PHF14: variants seen among roughly 807,000 people sequenced by gnomAD.
PHF14 encodes the protein PHD finger protein 14.
Under a neutral mutation model 117.9 loss-of-function variants are expected in PHF14, and 55 were observed. The ratio of observed to expected loss-of-function variants is 0.47; its 90% CI spans 0.38 to 0.58. The LOEUF is 0.58. Ranked by LOEUF, PHF14 falls within the 20% of genes least tolerant of loss-of-function variation. PHF14 has a pLI of 0.00. For synonymous variants in PHF14, 409 were observed against 368.6 expected, an observed-to-expected ratio of 1.11 and a Z score of -1.26; for missense variants, 978 against 1,122.2, an observed-to-expected ratio of 0.87 and a Z score of 1.84.
intron 17 of PHF14, among the ~76,000 whole-genome samples, chr7:11,140,498 A>C (rs2128350840): frequency 6.6e-6 from 1 of 152,246 alleles, no homozygotes; most frequent in Middle Eastern, 3.4e-3. Flanking sequence ...AGGAGAAAGT[A>C]ATATTTTGCC....
At chr7:11,113,058 T>C (rs974405212) in intron 17 of PHF14, among the ~76,000 whole-genome samples, 3 of 152,060 alleles carry the variant, frequency 2.0e-5, no homozygotes, top group African/African-American at 7.2e-5. Flanking sequence ...AATAAGTTTT[T>C]TTAAGTGCAT....
chr7:10,992,813 C>G (rs905322478), intron 4 of PHF14, among the ~76,000 whole-genome samples: 6 of 152,164 alleles, frequency 3.9e-5, no homozygotes, highest in African/African-American at 1.2e-4. Context: ...TCATTTCTAA[C>G]AAAATCAAAG....
chr7:10,980,650 T>C (rs548766793), intron 2 of PHF14, among the ~76,000 whole-genome samples: 4 of 152,316 alleles, frequency 2.6e-5, no homozygotes, highest in Admixed American at 6.5e-5. Context: ...ACAAACTTAC[T>C]TGATGGCAAA....
At chr7:11,064,895 T>G (rs914533109) in intron 16 of PHF14, among the ~76,000 whole-genome samples, 5 of 151,974 alleles carry the variant, frequency 3.3e-5, no homozygotes, top group African/African-American at 9.7e-5. Context: ...AATTGCTGAG[T>G]GATAGTAAGG....
At chr7:11,075,564 G>GTTTTTTTTT in intron 16 of PHF14, among the ~76,000 whole-genome samples, 1 of 110,012 alleles carries the variant, frequency 9.1e-6, no homozygotes, top group Non-Finnish European at 1.8e-5. Context: ...AAGGAAAGAG[G>GTTTTTTTTT]TTTTTTTTTT....
At chr7:11,141,721 A>T (rs916016845) in intron 17 of PHF14, among the ~76,000 whole-genome samples, 1 of 152,032 alleles carries the variant, frequency 6.6e-6, no homozygotes, top group Non-Finnish European at 1.5e-5. Context: ...ACAGTATGTA[A>T]ATCTCTACGT....
At chr7:11,017,560 G>A (rs1257416084) in intron 5 of PHF14, among the ~76,000 whole-genome samples, 1 of 151,858 alleles carries the variant, frequency 6.6e-6, no homozygotes, top group Non-Finnish European at 1.5e-5. Flanking sequence ...CTTTTTTTGA[G>A]AAATGTCTAT....
intron 17 of PHF14, among the ~76,000 whole-genome samples, chr7:11,166,706 T>C (rs528174374): frequency 1.1e-4 from 17 of 152,286 alleles, no homozygotes; most frequent in Admixed American, 9.2e-4. Context: ...CACCCCTTCA[T>C]AATGCTTTTC....
intron 16 of PHF14, among the ~76,000 whole-genome samples, chr7:11,098,597 C>T (rs879861997): frequency 6.6e-6 from 1 of 152,174 alleles, no homozygotes; most frequent in African/African-American, 2.4e-5. Flanking sequence ...GTGGAAAGTG[C>T]ACCATTGTCC....
intron 7 of PHF14, among the ~76,000 whole-genome samples, chr7:11,035,241 G>A (rs1386687847): frequency 6.6e-6 from 1 of 152,066 alleles, no homozygotes; most frequent in African/African-American, 2.4e-5. Flanking sequence ...GTGGGAGAAT[G>A]CATGTAAACT....
intron 17 of PHF14, among the ~76,000 whole-genome samples, chr7:11,156,558 G>C (rs1583509594): frequency 6.6e-6 from 1 of 152,276 alleles, no homozygotes; most frequent in East Asian, 1.9e-4. Flanking sequence ...ACTGTGGGAG[G>C]CCGAGGCGGC....
chr7:11,070,267 G>C (rs1407811966), intron 16 of PHF14, among the ~76,000 whole-genome samples: 1 of 152,086 alleles, frequency 6.6e-6, no homozygotes, highest in Non-Finnish European at 1.5e-5. Context: ...TTGTAGAAAT[G>C]GGGTCTGACT....
At chr7:11,019,586 G>T (rs1251458826) in intron 5 of PHF14, among the ~76,000 whole-genome samples, 1 of 152,010 alleles carries the variant, frequency 6.6e-6, no homozygotes, top group Non-Finnish European at 1.5e-5. Context: ...CAGTTATAAT[G>T]TCTCCTTTTT....
At chr7:11,121,780 G>T (rs1787761928) in intron 17 of PHF14, among the ~76,000 whole-genome samples, 1 of 151,970 alleles carries the variant, frequency 6.6e-6, no homozygotes. Flanking sequence ...GGGAACAAGT[G>T]GGACAACATG....
intron 13 of PHF14, among the ~76,000 whole-genome samples, chr7:11,047,179 C>T (rs556083327): frequency 6.6e-6 from 1 of 152,078 alleles, no homozygotes; most frequent in Admixed American, 6.5e-5. Flanking sequence ...AGCAATTCTC[C>T]TGCCTCAGCC....
intron 3 of PHF14, among the ~76,000 whole-genome samples, chr7:10,984,643 A>G (rs1318840570): frequency 6.6e-6 from 1 of 152,186 alleles, no homozygotes; most frequent in Non-Finnish European, 1.5e-5. Context: ...AGTCTAGCTA[A>G]TGATAGAGGC....
At chr7:10,998,512 G>C (rs1782744518) in intron 4 of PHF14, among the ~76,000 whole-genome samples, 1 of 152,070 alleles carries the variant, frequency 6.6e-6, no homozygotes, top group African/African-American at 2.4e-5. Flanking sequence ...AATATAAAGA[G>C]CTCATTAATA....
intron 16 of PHF14, chr7:11,062,493 A>G (rs1308546365): frequency 1.2e-5 from 2 of 160,990 alleles, no homozygotes; most frequent in Non-Finnish European, 2.6e-5. Flanking sequence ...GTGAGAAGAC[A>G]GACTTTTTAT....
chr7:11,133,044 A>G (rs1788128791), intron 17 of PHF14, among the ~76,000 whole-genome samples: 1 of 151,954 alleles, frequency 6.6e-6, no homozygotes, highest in African/African-American at 2.4e-5. Context: ...AAATTCTAAT[A>G]AAAGAAATAA....
Sources: gnomAD v4.1 joint callset for allele counts (sites outside exome capture counted in the v4.1 genomes callset) on GRCh38, gnomAD v4.1.1 for gene constraint, MANE v1.5 for transcripts, NCBI Gene and HGNC (gene_info 2026-07-23, HGNC 2026-07-21) for gene names.